Variants in BSN observed in about 807,000 individuals in gnomAD.
BSN encodes the protein protein bassoon.
In BSN, 57 loss-of-function variants were observed where a neutral mutation model predicts 264.8. The ratio of observed to expected loss-of-function variants is 0.22; its 90% CI spans 0.17 to 0.27. The LOEUF (loss-of-function observed/expected upper bound fraction) is 0.27. Among genes scored for constraint, BSN ranks in the 10% least tolerant of loss-of-function variants. The probability of loss-of-function intolerance (pLI) is 1.00; values close to 1 mark genes in which losing one functional copy is unlikely to be tolerated. For synonymous variants in BSN, 2,059 were observed against 2,137.3 expected (o/e 0.96, Z 1.01); for missense variants, 4,615 against 5,232.5 (o/e 0.88, Z 3.64).
chr3:49,654,847 G>A lies in BSN; in HGVS notation c.5291G>A (p.Gly1764Asp), dbSNP rs762216356. 6.2e-7 allele frequency: 1 copy of A among 1,613,548 alleles called. No homozygotes were observed. Among genetic ancestry groups the A allele is most frequent in the Admixed American group, 1.7e-5 (1 of 60,012 alleles). The change falls in exon 5 of 12, where the codon GGT (glycine) becomes GAT (aspartate). Residue 1764 changes from glycine (G) to aspartate (D), a missense_variant. Coordinates refer to ENST00000296452, the MANE Select transcript of BSN (RefSeq NM_003458.4). The surrounding 1 kb of genome is among the most constrained non-coding windows in gnomAD (Gnocchi z 4.1). ...PYQSRLDFGQ[G>D]GGSPVCLAQV... is the part of the protein sequence containing the mutation. ...CAGAGCCGCCTTGACTTTGGCCAGG[G>A]TGGGGGTAGCCCTGTGTGCCTGGCC...
chr3:49,563,648 C>T (rs1454928101), intron 1 of BSN, among the ~76,000 whole-genome samples: 2 of 152,328 alleles, frequency 1.3e-5, no homozygotes, highest in Middle Eastern at 3.4e-3. Context: ...TGTCAAAGTC[C>T]GGTATGTGAG....
At chr3:49,662,738 C>T (rs1304999584) in intron 6 of BSN, 138 bp from the exon 7 acceptor site, 6 of 368,848 alleles carry the variant, frequency 1.6e-5, no homozygotes, top group East Asian at 7.7e-5. Flanking sequence ...TCCGTGGTTG[C>T]GGGAGGGTGG....
Position 49,612,288 on chromosome 3 carries a change from G to A in BSN, c.225-12687G>A, listed in dbSNP as rs962411311. 9.2e-5 allele frequency among the ~76,000 whole-genome samples: 14 copies of A among 152,250 alleles called. No homozygotes were observed. The South Asian group carries it at 2.1e-3, about 23-fold the overall frequency. On this transcript the variant is annotated intron_variant, in intron 1 of 11. Transcript: ENST00000296452. ...GTAGCTGGGATTACAGGCGCATGCC[G>A]CCATGCCTGGCTAATTTTTTGTATT...
At chr3:49,586,639 C>A (rs1312228746) in intron 1 of BSN, among the ~76,000 whole-genome samples, 1 of 152,210 alleles carries the variant, frequency 6.6e-6, no homozygotes, top group Admixed American at 6.5e-5. Context: ...CCATACCCTA[C>A]CCCCAGCACC....
intron 1 of BSN, among the ~76,000 whole-genome samples, chr3:49,617,287 A>ATATATATATATATATATT (rs2052267693): frequency 2.4e-3 from 10 of 4,134 alleles, no homozygotes; most frequent in Admixed American, 0.011. Context: ...AATACATTAT[A>ATATATATATATATATATT]TATATATATA....
intron 1 of BSN, among the ~76,000 whole-genome samples, chr3:49,600,780 G>A (rs1353182751): frequency 6.6e-6 from 1 of 152,124 alleles, no homozygotes; most frequent in Non-Finnish European, 1.5e-5. Context: ...CTCCAGTCTG[G>A]GTGGCAGAGC....
At chr3:49,610,596 A>C (rs901071073) in intron 1 of BSN, among the ~76,000 whole-genome samples, 26 of 151,448 alleles carry the variant, frequency 1.7e-4, no homozygotes, top group African/African-American at 5.6e-4. Context: ...AAAAAAAAAA[A>C]AAAAAAAAAA....
In BSN at chr3:49,657,296, T is replaced by C; in HGVS notation, c.7740T>C (p.Ile2580=). The part of the protein sequence containing the change: ...SGTEPCVVRR[I]ADSSVQTDDE... ...CTGAGCCCTGTGTGGTCAGGAGGAT[T>C]GCCGACAGCAGCGTGCAGACAGACG... Residue 2580 remains isoleucine, a synonymous_variant, in exon 5 of 12, where the codon ATT becomes ATC. Transcript: ENST00000296452. The C allele has an allele frequency of 6.2e-7, 1 of 1,613,364 alleles. No homozygotes were observed. Among genetic ancestry groups the C allele is most frequent in the Non-Finnish European group, 8.5e-7 (1 of 1,179,880 alleles).
rs772130914 is a variant in BSN, at chr3:49,625,113, G to A, written c.363G>A (p.Glu121=). The change falls in exon 2 of 12, where the codon GAG becomes GAA. Residue 121 remains glutamate (E), a synonymous_variant. Transcript: ENST00000296452. The surrounding 1 kb of genome is among the most constrained non-coding windows in gnomAD (Gnocchi z 4.4). The part of the protein sequence containing the change: ...ETRAQGPAGQ[E]ADGPRRTLQV... ...GGGCACAGGGACCAGCAGGCCAGGA[G>A]GCTGATGGTCCCCGCAGGACGCTGC... 3 of 1,603,796 alleles carry A rather than the reference G, an allele frequency of 1.9e-6. No homozygotes were observed. In the South Asian group the frequency reaches 3.4e-5, roughly 18 times the overall value.
At chr3:49,630,972 G>T (rs1006436576) in intron 2 of BSN, among the ~76,000 whole-genome samples, 24 of 152,064 alleles carry the variant, frequency 1.6e-4, no homozygotes, top group Non-Finnish European at 7.4e-5. Flanking sequence ...TCAGCCTTTG[G>T]CCTGGACAGG....
At chr3:49,579,340 C>T (rs1306323435) in intron 1 of BSN, among the ~76,000 whole-genome samples, 1 of 151,876 alleles carries the variant, frequency 6.6e-6, no homozygotes, top group Non-Finnish European at 1.5e-5. Flanking sequence ...TATGGATGTA[C>T]CACATTTTAT....
At chr3:49,563,642 A>G (rs1453679470) in intron 1 of BSN, among the ~76,000 whole-genome samples, 2 of 152,176 alleles carry the variant, frequency 1.3e-5, no homozygotes, top group African/African-American at 4.8e-5. Context: ...CTCCAATGTC[A>G]AAGTCCGGTA....
At chr3:49,616,031 AGGTG>A (rs1277660976) in intron 1 of BSN, among the ~76,000 whole-genome samples, 1 of 152,036 alleles carries the variant, frequency 6.6e-6, no homozygotes, top group African/African-American at 2.4e-5. Context: ...CCACTTGGGG[AGGTG>A]GGTTTTATAA....
intron 5 of BSN, among the ~76,000 whole-genome samples, chr3:49,659,534 G>A (rs2052636475): frequency 6.6e-6 from 1 of 152,150 alleles, no homozygotes; most frequent in African/African-American, 2.4e-5. Flanking sequence ...AATCCTATAG[G>A]AGTCACTTCC....
chr3:49,645,819 T>C (rs1379635729), intron 3 of BSN, among the ~76,000 whole-genome samples: 1 of 152,222 alleles, frequency 6.6e-6, no homozygotes, highest in African/African-American at 2.4e-5. Flanking sequence ...TTACCCTGCC[T>C]TGGGAGTGTG....
intron 1 of BSN, among the ~76,000 whole-genome samples, chr3:49,619,700 G>A (rs1009702607): frequency 1.3e-5 from 2 of 152,178 alleles, no homozygotes; most frequent in African/African-American, 4.8e-5. Context: ...GGTACGGCTG[G>A]GGGTGTAGCC....
At chr3:49,628,461 T>G (rs1450382859) in intron 2 of BSN, among the ~76,000 whole-genome samples, 1 of 152,222 alleles carries the variant, frequency 6.6e-6, no homozygotes, top group Non-Finnish European at 1.5e-5. Flanking sequence ...TAGCTCCATT[T>G]GGCTAGCAGC....
In BSN at chr3:49,663,122, G is replaced by C. The variant is rs1357579973; in HGVS notation, c.10964G>C (p.Gly3655Ala). The C allele has an allele frequency of 1.2e-6, 2 of 1,611,610 alleles. No homozygotes were observed. The highest frequency in any genetic ancestry group is 1.7e-6 in the Non-Finnish European group (2 of 1,179,572). The change falls in exon 7 of 12, where the codon GGC becomes GCC. Residue 3655 changes from glycine (G) to alanine (A), a missense_variant. Around this residue, in one of 3 missense-constraint regions of BSN, gnomAD observed 3,415 missense variants for 3,866.4 expected, o/e 0.88. Coordinates refer to ENST00000296452, the MANE Select transcript of BSN (RefSeq NM_003458.4). ...CACGGTGACCACGGGCGGCACTCAG[G>C]CCGCCACACTGGTGAGGAGCCGGGA... ...HRHGDHGRHS[G>A]RHTGEEPGRR...
At chr3:49,567,657 A>G (rs574188485) in intron 1 of BSN, among the ~76,000 whole-genome samples, 2 of 152,228 alleles carry the variant, frequency 1.3e-5, no homozygotes, top group Non-Finnish European at 2.9e-5. Flanking sequence ...TAGTCAAGCA[A>G]TTCATGGTTA....
Sources: gnomAD v4.1 joint callset for allele counts (sites outside exome capture counted in the v4.1 genomes callset) on GRCh38, gnomAD v4.1.1 for gene constraint, gnomAD v4.1.1 regional missense constraint, Gnocchi (gnomAD v3.1) non-coding constraint, MANE v1.5 for transcripts, NCBI Gene and HGNC (gene_info 2026-07-23, HGNC 2026-07-21) for gene names.